LYRM7: variants seen among roughly 807,000 people sequenced by gnomAD.
The protein encoded by LYRM7 is LYR motif containing 7, also known as complex III assembly factor LYRM7.
LYRM7 carries 9 observed loss-of-function variants against 15.8 expected under a neutral mutation model. That is an observed-to-expected ratio of 0.57 (90% CI 0.34 to 0.99). LYRM7 has a LOEUF of 0.99. LYRM7 is among the 50% of genes least tolerant of loss of function. The probability of loss-of-function intolerance (pLI) is 0.02; values close to 1 mark genes in which losing one functional copy is unlikely to be tolerated. For synonymous variants in LYRM7, 39 were observed against 39.4 expected (o/e 0.99, Z 0.04); for missense variants, 115 against 119.1 (o/e 0.97, Z 0.16).
At chr5:131,174,235 A>G (rs73786617) in intron 1 of LYRM7, among the ~76,000 whole-genome samples, 3,609 of 152,104 alleles carry the variant, frequency 0.024, 72 homozygotes, top group African/African-American at 0.043. Context: ...ATGAGAAGCA[A>G]CTCCTCATGC....
chr5:131,187,484 T>G (rs890065479), intron 4 of LYRM7, among the ~76,000 whole-genome samples: 8 of 101,984 alleles, frequency 7.8e-5, no homozygotes, highest in Non-Finnish European at 9.9e-5. Flanking sequence ...TTTGTTTTTG[T>G]TTTTTTTTTG....
intron 3 of LYRM7, among the ~76,000 whole-genome samples, chr5:131,184,378 AT>A (rs928793286): frequency 6.6e-6 from 1 of 150,708 alleles, no homozygotes; most frequent in Admixed American, 6.6e-5. Flanking sequence ...TCTTTTCTTT[AT>A]TTTTTTGGGT....
chr5:131,183,895 A>T (rs983802165), intron 3 of LYRM7, among the ~76,000 whole-genome samples: 7 of 152,238 alleles, frequency 4.6e-5, no homozygotes, highest in Non-Finnish European at 1.0e-4. Context: ...TTAAAAAGTA[A>T]CATGATATTT....
At chr5:131,195,165 G>A (rs531310731) in intron 4 of LYRM7, among the ~76,000 whole-genome samples, 2 of 152,216 alleles carry the variant, frequency 1.3e-5, no homozygotes, top group African/African-American at 4.8e-5. Flanking sequence ...CTACTCGGGA[G>A]GCTGAGGCAG....
rs1229575192 is a variant in LYRM7, at chr5:131,204,303, GAATACT to G, written c.*4707_*4712del. The G allele has an allele frequency of 6.7e-6, 1 of 148,634 alleles. No homozygotes were observed. Among genetic ancestry groups the G allele is most frequent in the Non-Finnish European group, 1.5e-5 (1 of 67,952 alleles). The allele number at this position is 148,634 out of a possible 1,614,324, so 9.2% of individuals were successfully genotyped here. On this transcript the variant is annotated 3_prime_UTR_variant, in exon 5 of 5. Transcript: ENST00000379380. ...TCAGTCTATTTCTCAAAAACTCAAA[GAATACT>G]AATAAATGTGTACTCAGGTATATGT...
chr5:131,181,349 TTA>T (rs545785759), intron 2 of LYRM7, among the ~76,000 whole-genome samples: 15 of 42,120 alleles, frequency 3.6e-4, no homozygotes, highest in Admixed American at 9.7e-4. Context: ...AACATATATG[TTA>T]TATATATATT....
Position 131,199,604 on chromosome 5 carries a change from T to C in LYRM7, c.*3T>C, listed in dbSNP as rs1266424371. The C allele has an allele frequency of 6.3e-7, 1 of 1,592,948 alleles. No individual in the cohort carries two copies. Among genetic ancestry groups the C allele is most frequent in the African/African-American group, 1.3e-5 (1 of 74,122 alleles). ...ATGCACCAACTCAGAAGCAATGAGT[T>C]TTCTAGAATACAACAAGTCTTTGTA... On this transcript the variant is annotated 3_prime_UTR_variant, in exon 5 of 5. Coordinates refer to ENST00000379380, the MANE Select transcript of LYRM7 (RefSeq NM_181705.4).
intron 1 of LYRM7, among the ~76,000 whole-genome samples, chr5:131,179,885 A>G (rs1755663487): frequency 6.6e-6 from 1 of 152,072 alleles, no homozygotes; most frequent in Non-Finnish European, 1.5e-5. Context: ...GTGGTGAGCC[A>G]AGATCACACC....
chr5:131,198,414 C>T (rs912212521), intron 4 of LYRM7, among the ~76,000 whole-genome samples: 1 of 152,134 alleles, frequency 6.6e-6, no homozygotes, highest in African/African-American at 2.4e-5. Context: ...GTCCTTCAGT[C>T]TTTCTTCGTC....
intron 4 of LYRM7, among the ~76,000 whole-genome samples, chr5:131,191,381 A>G (rs905667323): frequency 2.6e-5 from 4 of 152,170 alleles, no homozygotes; most frequent in Non-Finnish European, 5.9e-5. Flanking sequence ...TCTAAAAAAT[A>G]TAATGTCTCA....
chr5:131,189,312 G>GCCA (rs1755847784), intron 4 of LYRM7, among the ~76,000 whole-genome samples: 1 of 151,730 alleles, frequency 6.6e-6, no homozygotes, highest in African/African-American at 2.4e-5. Context: ...GCATGGTGGT[G>GCCA]GGCACCTATG....
At chr5:131,193,037 A>C (rs1315586036) in intron 4 of LYRM7, among the ~76,000 whole-genome samples, 1 of 152,168 alleles carries the variant, frequency 6.6e-6, no homozygotes, top group Non-Finnish European at 1.5e-5. Context: ...AATAGGATCC[A>C]TATTTTTTAA....
At chr5:131,189,226 G>A (rs1004378420) in intron 4 of LYRM7, among the ~76,000 whole-genome samples, 1 of 151,068 alleles carries the variant, frequency 6.6e-6, no homozygotes, top group Non-Finnish European at 1.5e-5. Flanking sequence ...GGCGGATCAC[G>A]AGGTCAGGAG....
At chr5:131,182,332 A>G (rs1289263628) in intron 3 of LYRM7, 33 bp downstream of exon 3, 18 of 1,329,864 alleles carry the variant, frequency 1.4e-5, no homozygotes, top group African/African-American at 7.6e-5. Flanking sequence ...AGTAAAACTT[A>G]TACAATTATC....
At chr5:131,192,275 A>G (rs977280178) in intron 4 of LYRM7, among the ~76,000 whole-genome samples, 4 of 152,178 alleles carry the variant, frequency 2.6e-5, no homozygotes, top group Non-Finnish European at 5.9e-5. Flanking sequence ...AGAGGCCAGG[A>G]AGGGTCAGAG....
intron 2 of LYRM7, among the ~76,000 whole-genome samples, chr5:131,181,806 C>T (rs2149661724): frequency 1.3e-5 from 2 of 152,068 alleles, no homozygotes; most frequent in East Asian, 3.9e-4. Flanking sequence ...CACATATATC[C>T]TGTTTGCTGC....
In LYRM7 at chr5:131,201,364, A is replaced by G. The variant is rs760874209; in HGVS notation, c.*1763A>G. Reference sequence around the variant, plus strand: ...AAAAGGAAAAAAAAAAGATATATTGATACAGATAGGTAGATATGATATTGT... The same window carrying G: ...AAAAGGAAAAAAAAAAGATATATTGGTACAGATAGGTAGATATGATATTGT... On this transcript the variant is annotated 3_prime_UTR_variant, in exon 5 of 5. Transcript: ENST00000379380. 3 of 151,762 alleles carry G rather than the reference A, an allele frequency of 2.0e-5. No individual in the cohort carries two copies. The highest frequency in any genetic ancestry group is 2.9e-5 in the Non-Finnish European group (2 of 67,976). 9.4% of individuals were successfully genotyped at this position (151,762 alleles called of 1,614,324 possible).
At chr5:131,181,381 A>ATT (rs552588384) in intron 2 of LYRM7, among the ~76,000 whole-genome samples, 1 of 76,474 alleles carries the variant, frequency 1.3e-5, no homozygotes, top group Admixed American at 1.4e-4. Flanking sequence ...ATGTATATAT[A>ATT]ATATATACAT....
chr5:131,197,049 T>G (rs555484106), intron 4 of LYRM7, among the ~76,000 whole-genome samples: 1 of 152,242 alleles, frequency 6.6e-6, no homozygotes, highest in Non-Finnish European at 1.5e-5. Context: ...CTGAACATAC[T>G]CTAAAGTGAT....
Sources: allele counts gnomAD v4.1 joint callset (sites outside exome capture counted in the v4.1 genomes callset), GRCh38; gene constraint gnomAD v4.1.1; transcripts MANE v1.5; gene names NCBI Gene and HGNC (gene_info 2026-07-23, HGNC 2026-07-21).